KIAA1549L: variants seen among roughly 807,000 people sequenced by gnomAD.
KIAA1549L encodes KIAA1549 like.
KIAA1549L carries 88 observed loss-of-function variants against 160.7 expected under a neutral mutation model. The ratio of observed to expected loss-of-function variants is 0.55; its 90% CI spans 0.46 to 0.65. KIAA1549L has a LOEUF of 0.65. Ranked by LOEUF, KIAA1549L falls within the 30% of genes least tolerant of loss-of-function variation. The probability of loss-of-function intolerance (pLI) is 0.00; values close to 1 mark genes in which losing one functional copy is unlikely to be tolerated. For synonymous variants in KIAA1549L, 950 were observed against 976.7 expected, an observed-to-expected ratio of 0.97 and a Z score of 0.51; for missense variants, 2,258 against 2,437.5, an observed-to-expected ratio of 0.93 and a Z score of 1.55.
At position 33,475,478 on chromosome 11, in the gene KIAA1549L, G is replaced by A. The variant is rs544798411; in HGVS notation, c.239-66324G>A. 2.0e-5 allele frequency among the ~76,000 whole-genome samples: 3 copies of A among 151,950 alleles called. No individual in the cohort carries two copies. The East Asian group carries it at 5.8e-4, about 29-fold the overall frequency. On this transcript the variant is annotated intron_variant, in intron 1 of 20. Transcript: ENST00000658780. ...AATCTGAGGTGGGAGGATCGTTTGAGCCCAGGAGTTCGAGGTTATAGTAAG... is the reference window on the plus strand; with the variant it reads ...AATCTGAGGTGGGAGGATCGTTTGAACCCAGGAGTTCGAGGTTATAGTAAG...
chr11:33,537,568 A>G (rs996574058), intron 1 of KIAA1549L, among the ~76,000 whole-genome samples: 2 of 152,214 alleles, frequency 1.3e-5, no homozygotes, highest in Non-Finnish European at 2.9e-5. Flanking sequence ...TTTGGTTTTC[A>G]GTAGTTTTAA....
intron 1 of KIAA1549L, among the ~76,000 whole-genome samples, chr11:33,540,584 C>T (rs1216887364): frequency 6.6e-6 from 1 of 152,208 alleles, no homozygotes; most frequent in Non-Finnish European, 1.5e-5. Context: ...GGGAATACCT[C>T]CTTAGGCTGC....
chr11:33,620,292 A>G (rs565609892), intron 16 of KIAA1549L, among the ~76,000 whole-genome samples: 41 of 152,328 alleles, frequency 2.7e-4, no homozygotes, highest in African/African-American at 9.6e-4. Flanking sequence ...CTTTAGGGGA[A>G]GCCTGCTTTA....
chr11:33,506,948 G>T (rs1034044751), intron 1 of KIAA1549L, among the ~76,000 whole-genome samples: 26 of 152,280 alleles, frequency 1.7e-4, no homozygotes, highest in African/African-American at 5.8e-4. Flanking sequence ...GGAGGGCATG[G>T]TGCTTAGGAA....
chr11:33,596,410 G>A (rs969881651), intron 12 of KIAA1549L, among the ~76,000 whole-genome samples: 1 of 151,978 alleles, frequency 6.6e-6, no homozygotes, highest in Non-Finnish European at 1.5e-5. Flanking sequence ...ATTGTTTCAG[G>A]ATCAAATGAG....
intron 10 of KIAA1549L, among the ~76,000 whole-genome samples, chr11:33,579,415 T>C (rs190569205): frequency 4.6e-5 from 7 of 152,326 alleles, no homozygotes; most frequent in African/African-American, 1.7e-4. Flanking sequence ...ACAATGCCTC[T>C]CCTCTCCAGT....
chr11:33,403,524 GCAGACACACACACGCACAGACACA>G (rs1396312518), intron 1 of KIAA1549L: 12 of 136,420 alleles, frequency 8.8e-5, no homozygotes, highest in African/African-American at 3.6e-4. Flanking sequence ...GGACAGACAC[GCAGACACACACACGCACAGACACA>G]CAGACACGCA....
intron 16 of KIAA1549L, among the ~76,000 whole-genome samples, chr11:33,634,662 A>G (rs893832192): frequency 1.3e-5 from 2 of 152,182 alleles, no homozygotes; most frequent in Non-Finnish European, 2.9e-5. Flanking sequence ...CTTTAGGGGC[A>G]GTGAGTAATG....
At chr11:33,568,411 G>T (rs1289249402) in intron 9 of KIAA1549L, among the ~76,000 whole-genome samples, 184 bp downstream of exon 9, 1 of 152,096 alleles carries the variant, frequency 6.6e-6, no homozygotes, top group Non-Finnish European at 1.5e-5. Flanking sequence ...AAAACATGAA[G>T]GAGGGTGAGA....
intron 1 of KIAA1549L, among the ~76,000 whole-genome samples, chr11:33,519,525 T>C (rs188349131): frequency 2.6e-5 from 4 of 152,310 alleles, no homozygotes; most frequent in South Asian, 2.1e-4. Flanking sequence ...AAAATAATAG[T>C]GTTAACAATT....
chr11:33,489,276 T>G (rs959058566), intron 1 of KIAA1549L, among the ~76,000 whole-genome samples: 6 of 152,182 alleles, frequency 3.9e-5, no homozygotes, highest in Admixed American at 3.9e-4. Flanking sequence ...GATCACTGCC[T>G]TCTTGCTGTG....
chr11:33,568,270 G>A (rs1443354519), intron 9 of KIAA1549L, 43 bp downstream of exon 9: 1 of 1,557,688 alleles, frequency 6.4e-7, no homozygotes, highest in Non-Finnish European at 8.7e-7. Flanking sequence ...ATAACTGGGG[G>A]TAGAGGGGGG....
chr11:33,531,318 C>G (rs913582343), intron 1 of KIAA1549L, among the ~76,000 whole-genome samples: 3 of 152,014 alleles, frequency 2.0e-5, no homozygotes, highest in African/African-American at 7.2e-5. Flanking sequence ...ACTAAAAATA[C>G]AAAAAATTTA....
chr11:33,651,259 A>G (rs1000940226), intron 17 of KIAA1549L, among the ~76,000 whole-genome samples: 1 of 152,138 alleles, frequency 6.6e-6, no homozygotes, highest in African/African-American at 2.4e-5. Flanking sequence ...CAACATGGTG[A>G]GACCCCATCT....
At chr11:33,534,266 A>C (rs1013926649) in intron 1 of KIAA1549L, among the ~76,000 whole-genome samples, 9 of 138,320 alleles carry the variant, frequency 6.5e-5, no homozygotes. Flanking sequence ...TTTTTTTTGT[A>C]TTTTTTGTAG....
intron 1 of KIAA1549L, among the ~76,000 whole-genome samples, chr11:33,392,766 GTATC>G (rs1200145077): frequency 6.6e-6 from 1 of 152,186 alleles, no homozygotes; most frequent in Non-Finnish European, 1.5e-5. Flanking sequence ...ATAAAAGTGA[GTATC>G]TATCCTGCGT....
intron 20 of KIAA1549L, among the ~76,000 whole-genome samples, chr11:33,664,735 C>T (rs546292345): frequency 2.6e-5 from 4 of 152,280 alleles, no homozygotes; most frequent in South Asian, 2.1e-4. Flanking sequence ...CAGAATCTGC[C>T]GGCACTTTGA....
At chr11:33,653,094 A>G (rs115857147) in intron 17 of KIAA1549L, among the ~76,000 whole-genome samples, 209 of 152,286 alleles carry the variant, frequency 1.4e-3, no homozygotes, top group African/African-American at 4.7e-3. Flanking sequence ...GAGTTGCCTT[A>G]CTCCTTGTTC....
intron 20 of KIAA1549L, among the ~76,000 whole-genome samples, chr11:33,663,918 G>T (rs965016348): frequency 6.6e-6 from 1 of 152,170 alleles, no homozygotes; most frequent in Admixed American, 6.5e-5. Context: ...CAATTGTTGG[G>T]CTGGGAAAGG....
Sources: gnomAD v4.1 joint callset for allele counts (sites outside exome capture counted in the v4.1 genomes callset) on GRCh38, gnomAD v4.1.1 for gene constraint, MANE v1.5 for transcripts, NCBI Gene and HGNC (gene_info 2026-07-23, HGNC 2026-07-21) for gene names.